The following TUSC3 variants were observed in gnomAD, a reference collection of about 807,000 sequenced individuals.
TUSC3 encodes tumor suppressor candidate 3.
A neutral mutation model predicts 44.8 loss-of-function variants in TUSC3; 45 were observed. The observed-to-expected ratio is 1.00, with a 90% CI of 0.79 to 1.29. The LOEUF (loss-of-function observed/expected upper bound fraction) is 1.29, where lower values mean the gene tolerates loss of function less well. Ranked by LOEUF, TUSC3 falls within the 50% of genes most tolerant of loss-of-function variation. TUSC3 has a pLI of 0.00. For missense variants in TUSC3, 519 were observed against 437.9 expected (o/e 1.19, Z -1.65); for synonymous variants, 212 against 152.9 (o/e 1.39, Z -2.85).
chr8:15,597,732 C>T (rs1466514208), intron 1 of TUSC3, among the ~76,000 whole-genome samples: 1 of 152,058 alleles, frequency 6.6e-6, no homozygotes, highest in Non-Finnish European at 1.5e-5. Flanking sequence ...ATATCTGACA[C>T]TGGAATTAAG....
chr8:15,649,224 C>T (rs1340299164), intron 2 of TUSC3, among the ~76,000 whole-genome samples: 1 of 151,284 alleles, frequency 6.6e-6, no homozygotes, highest in Non-Finnish European at 1.5e-5. Context: ...TTTTTCGTTG[C>T]GGTGGGGATG....
At chr8:15,766,931 GT>G (rs1185150032), downstream of TUSC3, among the ~76,000 whole-genome samples, 1 of 152,128 alleles carries the variant, frequency 6.6e-6, no homozygotes, top group African/African-American at 2.4e-5. Flanking sequence ...GCTGGAGCAT[GT>G]AGGGACAAAA....
At chr8:15,815,357 A>C in the TUSC3 span, among the ~76,000 whole-genome samples, 1 of 152,104 alleles carries the variant, frequency 6.6e-6, no homozygotes, top group African/African-American at 2.4e-5. Flanking sequence ...CAGCATCCTG[A>C]GTCAGCTGGA....
At chr8:15,571,048 C>T (rs1353100292) in intron 1 of TUSC3, among the ~76,000 whole-genome samples, 1 of 141,012 alleles carries the variant, frequency 7.1e-6, no homozygotes, top group Non-Finnish European at 1.5e-5. Context: ...CCTCTACCTC[C>T]TAGGTTCAAG....
chr8:15,647,114 C>G (rs1340628795), intron 2 of TUSC3, among the ~76,000 whole-genome samples: 1 of 152,058 alleles, frequency 6.6e-6, no homozygotes, highest in Non-Finnish European at 1.5e-5. Context: ...TATGTACATT[C>G]CATACTGTAA....
chr8:15,614,926 T>A (rs559271757), intron 1 of TUSC3, among the ~76,000 whole-genome samples: 1,843 of 99,872 alleles, frequency 0.018, 16 homozygotes, highest in Non-Finnish European at 0.028. Context: ...AGGCTGTTAT[T>A]AAAAAGACCA....
At chr8:15,483,429 C>G (rs891543247) in exon 2 of TUSC3, 2 of 166,106 alleles carry the variant, frequency 1.2e-5, no homozygotes, top group Non-Finnish European at 2.6e-5. Context: ...CAACCTCTGC[C>G]TCCCGGGTTC....
intron 1 of TUSC3, among the ~76,000 whole-genome samples, chr8:15,465,422 T>G: frequency 6.6e-6 from 1 of 152,180 alleles, no homozygotes; most frequent in South Asian, 2.1e-4. Flanking sequence ...ACCACCAATG[T>G]GGTCCACAAT....
chr8:15,680,623 A>G (rs536879587), intron 6 of TUSC3, among the ~76,000 whole-genome samples: 1 of 152,172 alleles, frequency 6.6e-6, no homozygotes, highest in Admixed American at 6.5e-5. Context: ...TTCCAGTACT[A>G]TGCTGAATAG....
At chr8:15,636,695 T>A (rs946627563) in intron 2 of TUSC3, among the ~76,000 whole-genome samples, 12 of 152,224 alleles carry the variant, frequency 7.9e-5, no homozygotes, top group African/African-American at 2.9e-4. Context: ...TGTTGCATTG[T>A]TTCCTTTTCA....
intron 2 of TUSC3, among the ~76,000 whole-genome samples, chr8:15,517,522 C>A (rs1447684321): frequency 6.4e-5 from 5 of 77,554 alleles, no homozygotes; most frequent in East Asian, 5.5e-4. Flanking sequence ...TAGCGTGAGG[C>A]AAAAAAAAAA....
intron 1 of TUSC3, among the ~76,000 whole-genome samples, chr8:15,470,828 C>T (rs1009692962): frequency 2.6e-5 from 4 of 152,068 alleles, no homozygotes; most frequent in African/African-American, 9.7e-5. Flanking sequence ...CTACATGGTC[C>T]CAGTGAGTGT....
chr8:15,633,936 C>G (rs1049884209), intron 2 of TUSC3, among the ~76,000 whole-genome samples: 1 of 152,094 alleles, frequency 6.6e-6, no homozygotes, highest in East Asian at 1.9e-4. Flanking sequence ...ACAAAACATC[C>G]CACAAGGGAT....
chr8:15,730,702 G>T lies in TUSC3; in HGVS notation c.835G>T (p.Ala279Ser), dbSNP rs780362019. 2.5e-6 allele frequency: 4 copies of T among 1,612,960 alleles called. No individual in the cohort carries two copies. Among genetic ancestry groups the T allele is most frequent in the East Asian group, 2.2e-5 (1 of 44,784 alleles). The change falls in exon 7 of 11, where the codon GCA (alanine) becomes TCA (serine). Residue 279 changes from alanine (A) to serine (S), a missense_variant. Transcript: ENST00000503731. ...IHGSSQAQFV[A>S]ESHIILVLNA... is the part of the protein sequence containing the mutation. Reference sequence around the variant, plus strand: ...TGGGAGCAGCCAGGCTCAGTTTGTGGCAGAATCACACATTATTCTGGTACT... The same window carrying T: ...TGGGAGCAGCCAGGCTCAGTTTGTGTCAGAATCACACATTATTCTGGTACT...
intron 1 of TUSC3, among the ~76,000 whole-genome samples, chr8:15,582,095 C>G (rs1331946253): frequency 6.6e-6 from 1 of 151,446 alleles, no homozygotes. Context: ...TCACCCCTTT[C>G]TTTGACTCGG....
chr8:15,806,466 T>C, the TUSC3 span: 1 of 861,186 alleles, frequency 1.2e-6, no homozygotes, highest in East Asian at 2.4e-5. Flanking sequence ...TGACTTCCCT[T>C]ATGCAAACAG....
At chr8:15,829,287 G>C in the TUSC3 span, among the ~76,000 whole-genome samples, 1 of 152,120 alleles carries the variant, frequency 6.6e-6, no homozygotes, top group African/African-American at 2.4e-5. Flanking sequence ...ATAAACGTTT[G>C]ATAAAGTTTT....
intron 2 of TUSC3, among the ~76,000 whole-genome samples, chr8:15,510,981 AT>A (rs1483075883): frequency 6.6e-6 from 1 of 152,166 alleles, no homozygotes; most frequent in East Asian, 1.9e-4. Flanking sequence ...CCATTTATTG[AT>A]TTCCATACAA....
In TUSC3 at chr8:15,560,090, T is replaced by G. The variant is rs374612588; in HGVS notation, c.138+19522T>G. ...TTGCTCGTTAGTTGATGCAGTTTCT[T>G]CCTAGTCTCGATGGTCTTTACATTT... On this transcript the variant is annotated intron_variant, in intron 1 of 10. Coordinates refer to ENST00000503731, the MANE Select transcript of TUSC3 (RefSeq NM_006765.4). Among the ~76,000 whole-genome samples, 344 of 120,610 alleles carry G rather than the reference T, an allele frequency of 2.9e-3. 9 individuals are homozygous for G. The East Asian group carries it at 0.035, about 12-fold the overall frequency. 79.1% of individuals were successfully genotyped at this position (120,610 alleles called of 152,430 possible).
Sources: allele counts gnomAD v4.1 joint callset (sites outside exome capture counted in the v4.1 genomes callset), GRCh38; gene constraint gnomAD v4.1.1; transcripts MANE v1.5; gene names NCBI Gene and HGNC (gene_info 2026-07-23, HGNC 2026-07-21).